SMARCC1: variants seen among roughly 807,000 people sequenced by gnomAD.
SMARCC1 encodes SWI/SNF related BAF chromatin remodeling complex subunit C1, also known as SWI/SNF complex subunit SMARCC1.
In SMARCC1, 43 loss-of-function variants were observed where a neutral mutation model predicts 147.4. The ratio of observed to expected loss-of-function variants is 0.29; its 90% CI spans 0.23 to 0.38. The LOEUF is 0.38. Among genes scored for constraint, SMARCC1 ranks in the 10% least tolerant of loss-of-function variants. The pLI is 1.00. For synonymous variants in SMARCC1, 495 were observed against 484.4 expected (o/e 1.02, Z -0.29); for missense variants, 1,119 against 1,381.1 (o/e 0.81, Z 3.01).
intron 27 of SMARCC1, among the ~76,000 whole-genome samples, chr3:47,588,721 C>A (rs1447982512): frequency 7.9e-6 from 1 of 125,930 alleles, no homozygotes; most frequent in African/African-American, 3.0e-5. Context: ...CCCGCCCCCA[C>A]AGTCCCTAGC....
At position 47,593,292 on chromosome 3, in the gene SMARCC1, C is replaced by T. The variant is rs185106410; in HGVS notation, c.3044-2455G>A. Among the ~76,000 whole-genome samples the T allele has an allele frequency of 4.0e-3, 609 of 152,064 alleles. 5 individuals carry two copies. The highest frequency in any genetic ancestry group is 0.013 in the African/African-American group (546 of 41,484). On this transcript the variant is annotated intron_variant, in intron 26 of 27. Transcript: ENST00000254480. Reference sequence around the variant, plus strand: ...GTTCAAGCAATTCTTCTGCCTCAGCCGCCCGAGTACCCGGGATTACAGGTG... The same window carrying T: ...GTTCAAGCAATTCTTCTGCCTCAGCTGCCCGAGTACCCGGGATTACAGGTG...
chr3:47,620,426 G>A (rs958495416), intron 25 of SMARCC1, among the ~76,000 whole-genome samples: 3 of 151,274 alleles, frequency 2.0e-5, no homozygotes, highest in Non-Finnish European at 4.4e-5. Flanking sequence ...TCATGCCACT[G>A]CACTCCAGCC....
intron 13 of SMARCC1, among the ~76,000 whole-genome samples, chr3:47,688,472 A>G (rs948753785): frequency 1.3e-5 from 2 of 152,304 alleles, no homozygotes; most frequent in African/African-American, 2.4e-5. Context: ...GAAAAAAAAA[A>G]TCTATATTCA....
At chr3:47,746,871 T>G (rs2034570059) in intron 2 of SMARCC1, among the ~76,000 whole-genome samples, 1 of 151,750 alleles carries the variant, frequency 6.6e-6, no homozygotes, top group Non-Finnish European at 1.5e-5. Flanking sequence ...GCTGGGATTA[T>G]AGGCATGCAT....
At chr3:47,663,745 C>A in intron 19 of SMARCC1, 1 of 1,516,282 alleles carries the variant, frequency 6.6e-7, no homozygotes, top group Non-Finnish European at 9.2e-7. Flanking sequence ...ACAAGACCCA[C>A]GAGAACCCGG....
At chr3:47,772,187 T>G (rs928337660) in intron 2 of SMARCC1, among the ~76,000 whole-genome samples, 4 of 152,146 alleles carry the variant, frequency 2.6e-5, no homozygotes, top group Admixed American at 1.3e-4. Flanking sequence ...CGCCAAAAAT[T>G]TGAGACCAGC....
In SMARCC1 at chr3:47,604,519, C is replaced by T. The variant is rs761454143; in HGVS notation, c.3043+5547G>A. ...ACCTGCTCATAGTTCTTACCTTACC[C>T]TGTGGCAACTCAGAGACTAAAGCCA... On this transcript the variant is annotated intron_variant, in intron 26 of 27. Transcript: ENST00000254480. 1.7e-5 allele frequency: 6 copies of T among 342,938 alleles called. No individual in the cohort carries two copies. The Admixed American group carries it at 2.4e-4, about 14-fold the overall frequency. 21.2% of individuals were successfully genotyped at this position (342,938 alleles called of 1,614,324 possible).
rs369315784 is a variant in SMARCC1, at chr3:47,689,379, A to C, written c.1263+8T>G. On this transcript the variant is annotated splice_region_variant and intron_variant, in intron 13 of 27. Transcript: ENST00000254480. ...GCTCTCTCACACCAGGCTTAACTGA[A>C]TTGTTACCTTTCCTCCTGCTGTGAC... The C allele has an allele frequency of 6.8e-6, 11 of 1,610,664 alleles. No homozygotes were observed. The African/African-American group carries it at 1.2e-4, about 18-fold the overall frequency.
chr3:47,679,584 G>A (rs942326387), intron 15 of SMARCC1, among the ~76,000 whole-genome samples: 5 of 152,070 alleles, frequency 3.3e-5, no homozygotes, highest in Non-Finnish European at 5.9e-5. Context: ...AGGACAGGCC[G>A]GGCTTGGTGG....
intron 10 of SMARCC1, among the ~76,000 whole-genome samples, chr3:47,703,090 G>A (rs962864133): frequency 1.3e-5 from 2 of 151,972 alleles, no homozygotes; most frequent in Non-Finnish European, 2.9e-5. Context: ...ATCACGCACC[G>A]GCTAATTTTT....
At chr3:47,642,898 A>C (rs1363673954) in intron 21 of SMARCC1, among the ~76,000 whole-genome samples, 2 of 152,112 alleles carry the variant, frequency 1.3e-5, no homozygotes, top group African/African-American at 4.8e-5. Flanking sequence ...ACAAACAAAC[A>C]AACAAAAAAC....
intron 8 of SMARCC1, among the ~76,000 whole-genome samples, chr3:47,712,755 T>C (rs1015134543): frequency 6.6e-6 from 1 of 152,132 alleles, no homozygotes; most frequent in African/African-American, 2.4e-5. Context: ...ATCTCTCTCA[T>C]AAAAAATACC....
At chr3:47,721,767 T>G (rs2034235634) in intron 6 of SMARCC1, among the ~76,000 whole-genome samples, 3 of 151,882 alleles carry the variant, frequency 2.0e-5, no homozygotes, top group Admixed American at 6.6e-5. Flanking sequence ...TCCCAGCACT[T>G]TTGGAGGCAG....
At chr3:47,748,103 T>C (rs552431265) in intron 2 of SMARCC1, among the ~76,000 whole-genome samples, 1 of 151,898 alleles carries the variant, frequency 6.6e-6, no homozygotes, top group Admixed American at 6.6e-5. Flanking sequence ...GTTGCCAAGA[T>C]CACACCACTG....
chr3:47,630,366 T>C (rs1044508477), intron 24 of SMARCC1, among the ~76,000 whole-genome samples: 73 of 152,228 alleles, frequency 4.8e-4, no homozygotes, highest in African/African-American at 1.7e-3. Context: ...ATGCTTGCTA[T>C]CACTTGCCCT....
intron 24 of SMARCC1, among the ~76,000 whole-genome samples, chr3:47,631,686 T>G (rs2032893344): frequency 6.6e-6 from 1 of 152,190 alleles, no homozygotes; most frequent in South Asian, 2.1e-4. Flanking sequence ...GTTTAGGAGA[T>G]AGACCTAGAA....
intron 24 of SMARCC1, among the ~76,000 whole-genome samples, chr3:47,633,946 A>C: frequency 6.6e-6 from 1 of 151,990 alleles, no homozygotes; most frequent in Non-Finnish European, 1.5e-5. Flanking sequence ...CCAGGGTAGC[A>C]GAAGACAGAC....
chr3:47,671,028 T>C (rs2106748439), intron 18 of SMARCC1, among the ~76,000 whole-genome samples: 1 of 150,920 alleles, frequency 6.6e-6, no homozygotes, highest in Admixed American at 6.6e-5. Flanking sequence ...CTACTAAAAA[T>C]ACAAAAATTA....
intron 7 of SMARCC1, among the ~76,000 whole-genome samples, chr3:47,716,410 C>CAT (rs910535704): frequency 2.1e-5 from 2 of 95,554 alleles, no homozygotes; most frequent in Non-Finnish European, 3.8e-5. Flanking sequence ...AGTGAGACTC[C>CAT]ATCTCAAAAA....
Sources: gnomAD v4.1 joint callset for allele counts (sites outside exome capture counted in the v4.1 genomes callset) on GRCh38, gnomAD v4.1.1 for gene constraint, MANE v1.5 for transcripts, NCBI Gene and HGNC (gene_info 2026-07-23, HGNC 2026-07-21) for gene names.